The following VPS39 variants were observed in gnomAD, a reference collection of about 807,000 sequenced individuals.
VPS39 encodes the protein VPS39 subunit of HOPS complex.
Under a neutral mutation model 121.0 loss-of-function variants are expected in VPS39, and 70 were observed. The ratio of observed to expected loss-of-function variants is 0.58; its 90% CI spans 0.48 to 0.71. The LOEUF (loss-of-function observed/expected upper bound fraction) is 0.71. Among genes scored for constraint, VPS39 ranks in the 30% least tolerant of loss-of-function variants. VPS39 has a pLI of 0.00. For missense variants in VPS39, 818 were observed against 1,051.5 expected (o/e 0.78, Z 3.07); for synonymous variants, 378 against 398.1 (o/e 0.95, Z 0.60).
intron 8 of VPS39, among the ~76,000 whole-genome samples, chr15:42,179,818 A>T (rs760767558): frequency 1.4e-4 from 21 of 151,900 alleles, no homozygotes; most frequent in Non-Finnish European, 2.8e-4. Flanking sequence ...TCCCTCCCCA[A>T]CTTATGCATT....
chr15:42,175,133 G>A (rs893587394), intron 10 of VPS39, among the ~76,000 whole-genome samples: 1 of 152,154 alleles, frequency 6.6e-6, no homozygotes, highest in African/African-American at 2.4e-5. Flanking sequence ...CATCCGATGG[G>A]CCGGGCGCGG....
intron 7 of VPS39, among the ~76,000 whole-genome samples, chr15:42,185,336 G>A (rs2049679392): frequency 6.6e-6 from 1 of 151,816 alleles, no homozygotes; most frequent in South Asian, 2.1e-4. Flanking sequence ...GTGCCACCAC[G>A]CCAGGCTAAT....
At chr15:42,203,934 T>C (rs886908018) in intron 1 of VPS39, among the ~76,000 whole-genome samples, 3 of 152,158 alleles carry the variant, frequency 2.0e-5, no homozygotes, top group Admixed American at 1.3e-4. Flanking sequence ...TGAGACATAC[T>C]AAGCAAACAC....
At position 42,160,711 on chromosome 15, in the gene VPS39, G is replaced by A. The variant is rs537095672; in HGVS notation, c.*43C>T. 2 of 1,582,548 alleles carry A rather than the reference G, an allele frequency of 1.3e-6. No individual in the cohort carries two copies. Among genetic ancestry groups the A allele is most frequent in the South Asian group, 2.2e-5 (2 of 90,394 alleles). On this transcript the variant is annotated 3_prime_UTR_variant, in exon 25 of 25. Coordinates refer to ENST00000318006, the MANE Select transcript of VPS39 (RefSeq NM_015289.5). ...GCCAGGTGCTCCTTCACCTCTCTGG[G>A]AGAGCCAAGCTGTCCATCCGCTGGA...
At chr15:42,171,161 T>TC (rs1566894505) in intron 11 of VPS39, among the ~76,000 whole-genome samples, 1 of 152,200 alleles carries the variant, frequency 6.6e-6, no homozygotes, top group Non-Finnish European at 1.5e-5. Flanking sequence ...AATTGGCACT[T>TC]CCCATCCATT....
At chr15:42,189,271 G>C (rs1362378507) in intron 4 of VPS39, 63 bp from the exon 5 acceptor site, 2 of 1,371,166 alleles carry the variant, frequency 1.5e-6, no homozygotes, top group Non-Finnish European at 2.1e-6. Context: ...AGCCACTATC[G>C]AGGCAAAAAA....
Position 42,162,480 on chromosome 15 carries a change from A to C in VPS39, c.2177T>G (p.Val726Gly). Reference sequence around the variant, plus strand: ...GTACATCCGAAGCAGGGACAGATACACCTGTCTCAGAGAGACATGAGCTAC... The same window carrying C: ...GTACATCCGAAGCAGGGACAGATACCCCTGTCTCAGAGAGACATGAGCTAC... ...YDRNKDGNKD[V>G]YLSLLRMYLS... Residue 726 changes from valine to glycine, a missense_variant and splice_region_variant, in exon 22 of 25, where the codon GTG (valine) becomes GGG (glycine). Coordinates refer to ENST00000318006, the MANE Select transcript of VPS39 (RefSeq NM_015289.5). The C allele has an allele frequency of 6.3e-7, 1 of 1,596,978 alleles. No homozygotes were observed. Among genetic ancestry groups the C allele is most frequent in the Non-Finnish European group, 8.6e-7 (1 of 1,168,722 alleles).
chr15:42,195,769 C>T (rs1464937157), intron 2 of VPS39, among the ~76,000 whole-genome samples: 1 of 152,106 alleles, frequency 6.6e-6, no homozygotes, highest in Non-Finnish European at 1.5e-5. Context: ...AGATTCAATG[C>T]CATCCTCATC....
chr15:42,196,649 G>A (rs2049945611), intron 2 of VPS39, among the ~76,000 whole-genome samples: 1 of 152,166 alleles, frequency 6.6e-6, no homozygotes, highest in Non-Finnish European at 1.5e-5. Context: ...AGTTAGAATG[G>A]CGATCATTAA....
chr15:42,163,552 CCTT>C (rs1566889117), intron 20 of VPS39, 71 bp downstream of exon 20: 1 of 1,516,838 alleles, frequency 6.6e-7, no homozygotes, highest in Non-Finnish European at 9.1e-7. Flanking sequence ...GGGGAGATGG[CCTT>C]CTTAACTCTC....
intron 21 of VPS39, 94 bp downstream of exon 21, chr15:42,163,254 CCT>C (rs1317666845): frequency 2.1e-6 from 3 of 1,429,776 alleles, no homozygotes; most frequent in Non-Finnish European, 3.0e-6. Context: ...TGACTCGTGC[CCT>C]GTCTTATTCT....
intron 4 of VPS39, among the ~76,000 whole-genome samples, chr15:42,189,728 CAAAAA>C (rs35437812): frequency 1.4e-5 from 1 of 71,888 alleles, no homozygotes; most frequent in Non-Finnish European, 2.3e-5. Context: ...GACTCCGTCT[CAAAAA>C]AAAAAAAAAA....
intron 14 of VPS39, 34 bp downstream of exon 14, chr15:42,166,738 A>G (rs756526437): frequency 1.2e-6 from 2 of 1,613,434 alleles, no homozygotes; most frequent in Non-Finnish European, 1.7e-6. Context: ...CATGTACAAG[A>G]GCCCCTCCCA....
In VPS39 at chr15:42,187,358, G is replaced by A. The variant is rs766392072; in HGVS notation, c.447C>T (p.Asp149=). 10 of 1,602,088 alleles carry A rather than the reference G, an allele frequency of 6.2e-6. No homozygotes were observed. In the African/African-American group the frequency reaches 1.4e-4, roughly 22 times the overall value. The part of the protein sequence containing the change: ...KDREFHELQG[D]FSVPDVPKSM... ...ACTTGGGCACATCTGGCACACTAAA[G>A]TCCCCCTGAAAAAAGAGAGCAAGGA... The change falls in exon 7 of 25, where the codon GAC becomes GAT. Residue 149 remains aspartate (D), a synonymous_variant. Coordinates refer to ENST00000318006, the MANE Select transcript of VPS39 (RefSeq NM_015289.5).
chr15:42,191,472 G>A (rs1230856238), intron 3 of VPS39, 24 bp downstream of exon 3: 9 of 1,609,218 alleles, frequency 5.6e-6, no homozygotes, highest in Non-Finnish European at 6.8e-6. Flanking sequence ...AAATATTCTT[G>A]TAAGGACTGC....
rs78400843 is a variant in VPS39 at position 42,202,282 on chromosome 15, C to T, written c.74-2321G>A. Among the ~76,000 whole-genome samples the T allele has an allele frequency of 8.8e-3, 1,341 of 152,164 alleles. 18 individuals are homozygous for T. The highest frequency in any genetic ancestry group is 0.031 in the African/African-American group (1,275 of 41,524). Reference sequence around the variant, plus strand: ...AGTCATCCAGAAAAACAGAGTGATTCTATTTTCTTTGATTTGGGGTCTTAA... The same window carrying T: ...AGTCATCCAGAAAAACAGAGTGATTTTATTTTCTTTGATTTGGGGTCTTAA... On this transcript the variant is annotated intron_variant, in intron 1 of 24. Transcript: ENST00000318006.
intron 11 of VPS39, among the ~76,000 whole-genome samples, chr15:42,172,896 G>T (rs1008584596): frequency 6.6e-5 from 10 of 152,106 alleles, no homozygotes; most frequent in Non-Finnish European, 4.4e-5. Context: ...CAAGAATCTT[G>T]ACTGATACAG....
chr15:42,189,143 C>G lies in VPS39; in HGVS notation c.313G>C (p.Gly105Arg). ...QQITTVSKAKGASLFTCDLQH... is the reference protein window; with the variant it reads ...QQITTVSKAKRASLFTCDLQH... ...AGGTCACAAGTAAACAGTGATGCTC[C>G]CTTTGCCTTTGAAACCGTAGTGATT... is the stretch of plus-strand genomic sequence containing the variant. The change falls in exon 5 of 25, where the codon GGA (glycine) becomes CGA (arginine). Residue 105 changes from glycine (G) to arginine (R), a missense_variant. Physicochemically the swap from Gly to Arg is moderately radical, Grantham distance 125 (BLOSUM62 -2). Transcript: ENST00000318006. 6.2e-7 allele frequency: 1 copy of G among 1,613,882 alleles called. No homozygotes were observed. Among genetic ancestry groups the G allele is most frequent in the Non-Finnish European group, 8.5e-7 (1 of 1,179,864 alleles).
Position 42,165,057 on chromosome 15 carries a change from G to C in VPS39, c.1836C>G (p.Ile612Met). The change falls in exon 18 of 25, where the codon ATC becomes ATG. Residue 612 changes from isoleucine (I) to methionine (M), a missense_variant. Transcript: ENST00000318006. The stretch of plus-strand genomic sequence containing the variant: ...CTTGCACCTTCTCACAGTATAGCTG[G>C]ATCAGGCAGTTGTGGAACCGAGAGC... Reference protein sequence around the residue: ...ETGSRFHNCLIQLYCEKVQGL... With the variant: ...ETGSRFHNCLMQLYCEKVQGL... 6.2e-7 allele frequency: 1 copy of C among 1,614,204 alleles called. No individual in the cohort carries two copies. Among genetic ancestry groups the C allele is most frequent in the Non-Finnish European group, 8.5e-7 (1 of 1,180,040 alleles).
Sources: gnomAD v4.1 joint callset for allele counts (sites outside exome capture counted in the v4.1 genomes callset) on GRCh38, gnomAD v4.1.1 for gene constraint, MANE v1.5 for transcripts, NCBI Gene and HGNC (gene_info 2026-07-23, HGNC 2026-07-21) for gene names.